Variants in TRPM2 observed in about 807,000 individuals in gnomAD.
The protein encoded by TRPM2 is transient receptor potential cation channel subfamily M member 2.
In TRPM2, 161 loss-of-function variants were observed where a neutral mutation model predicts 174.0. The ratio of observed to expected loss-of-function variants is 0.93; its 90% CI spans 0.81 to 1.05. The LOEUF is 1.05. TRPM2 is among the 50% of genes least tolerant of loss of function. The pLI, the probability that TRPM2 is intolerant of heterozygous loss-of-function variation, is 0.00. For synonymous variants in TRPM2, 954 were observed against 861.3 expected, an observed-to-expected ratio of 1.11 and a Z score of -1.88; for missense variants, 2,057 against 2,038.0, an observed-to-expected ratio of 1.01 and a Z score of -0.18.
Position 44,432,728 on chromosome 21 carries a change from T to C in TRPM2, c.3975-2403T>C, listed in dbSNP as rs966136628. On this transcript the variant is annotated intron_variant, in intron 27 of 31. Transcript: ENST00000397928. The surrounding 1 kb of genome is among the most constrained non-coding windows in gnomAD (Gnocchi z 4.9). ...GCTTGCCCCCTCTTTCTGAGATGGATTGAGGTCAGGTCAGCAAAGATTCTG... is the reference window on the plus strand; with the variant it reads ...GCTTGCCCCCTCTTTCTGAGATGGACTGAGGTCAGGTCAGCAAAGATTCTG... Among the ~76,000 whole-genome samples the C allele has an allele frequency of 6.6e-6, 1 of 152,086 alleles. No individual in the cohort carries two copies. The highest frequency in any genetic ancestry group is 1.5e-5 in the Non-Finnish European group (1 of 68,010).
chr21:44,422,202 T>G, intron 22 of TRPM2: 1 of 1,499,530 alleles, frequency 6.7e-7, no homozygotes. Context: ...GGGAGGCGCA[T>G]GAGTGTGGGG....
chr21:44,372,126 A>AAACC (rs1416375560), intron 5 of TRPM2, among the ~76,000 whole-genome samples: 1 of 151,796 alleles, frequency 6.6e-6, no homozygotes, highest in Non-Finnish European at 1.5e-5. Context: ...TGTCTAAACT[A>AAACC]AACCAAACCA....
intron 2 of TRPM2, among the ~76,000 whole-genome samples, chr21:44,359,365 G>A (rs750290139): frequency 3.9e-5 from 6 of 152,096 alleles, no homozygotes; most frequent in Admixed American, 3.9e-4. Context: ...ATCCCTGCAA[G>A]TCTGAAGTGC....
In TRPM2 at chr21:44,439,511, C is replaced by A. The variant is rs778258011; in HGVS notation, c.4269+343C>A. Among the ~76,000 whole-genome samples, 1 of 152,140 alleles carries A rather than the reference C, an allele frequency of 6.6e-6. No individual in the cohort carries two copies. Among genetic ancestry groups the A allele is most frequent in the Non-Finnish European group, 1.5e-5 (1 of 68,024 alleles). ...CTCCTCCCCACATCCACCCTTGCCT[C>A]GAGCACAGCTGCGCCCAAGGGTGCT... On this transcript the variant is annotated intron_variant, in intron 30 of 31. Transcript: ENST00000397928. This position sits in a 1 kb window ranked among gnomAD's most constrained non-coding sequence, Gnocchi z 5.1.
chr21:44,436,224 G>A (rs891364754), intron 28 of TRPM2, among the ~76,000 whole-genome samples: 4 of 152,174 alleles, frequency 2.6e-5, no homozygotes, highest in Middle Eastern at 3.2e-3. Flanking sequence ...GGAAGCTGCC[G>A]GGGGCTCTTG....
Position 44,422,443 on chromosome 21 carries a change from G to T in TRPM2, c.3462-1202G>T, listed in dbSNP as rs771963648. 9.8e-6 allele frequency: 15 copies of T among 1,534,374 alleles called. No homozygotes were observed. The South Asian group carries it at 1.5e-4, about 16-fold the overall frequency. Reference sequence around the variant, plus strand: ...AGGTGCGGTTAAGCGGCTTTTGTGGGATTAAGCAAAATGAAATGTGGGTGA... The same window carrying T: ...AGGTGCGGTTAAGCGGCTTTTGTGGTATTAAGCAAAATGAAATGTGGGTGA... On this transcript the variant is annotated intron_variant, in intron 22 of 31. Coordinates refer to ENST00000397928, the MANE Select transcript of TRPM2 (RefSeq NM_003307.4).
At chr21:44,424,810 T>C (rs1265994003) in intron 23 of TRPM2, 42 bp from the exon 24 acceptor site, 3 of 1,426,872 alleles carry the variant, frequency 2.1e-6, no homozygotes, top group Non-Finnish European at 2.9e-6. Context: ...ACCATGCGTG[T>C]GGGTGGCAGG....
rs751986910 is a variant in TRPM2, at chr21:44,375,928, C to T, written c.867C>T (p.Asp289=). The change falls in exon 6 of 32, where the codon GAC becomes GAT. Residue 289 remains aspartate (D), a synonymous_variant. Transcript: ENST00000397928. ...SNHSHFILVD[D]GTHGQYGVEI... is the part of the protein sequence containing the mutation. ...ACTCTCACTTCATCCTCGTGGACGA[C>T]GGGACCCACGGCCAGTACGGGGTGG... 42 of 1,613,990 alleles carry T rather than the reference C, an allele frequency of 2.6e-5. No individual in the cohort carries two copies. Among genetic ancestry groups the T allele is most frequent in the South Asian group, 1.5e-4 (14 of 91,090 alleles).
intron 9 of TRPM2, among the ~76,000 whole-genome samples, chr21:44,383,488 C>A (rs995795622): frequency 2.6e-5 from 4 of 152,218 alleles, no homozygotes; most frequent in African/African-American, 7.2e-5. Context: ...CAGCAGGGAA[C>A]TTTTGTGATA....
intron 23 of TRPM2, among the ~76,000 whole-genome samples, chr21:44,424,132 C>T (rs576154215): frequency 1.3e-5 from 2 of 152,210 alleles, no homozygotes; most frequent in South Asian, 2.1e-4. Flanking sequence ...CATCAACGTC[C>T]ACCAGCTGGG....
chr21:44,391,696 G>C lies in TRPM2; in HGVS notation c.1794+71G>C. 1 of 1,343,880 alleles carries C rather than the reference G, an allele frequency of 7.4e-7. No individual in the cohort carries two copies. The highest frequency in any genetic ancestry group is 2.4e-5 in the East Asian group (1 of 40,832). 83.2% of individuals were successfully genotyped at this position (1,343,880 alleles called of 1,614,324 possible). ...TACTGCTATGTTCTTAGAGCTCTCT[G>C]TTTTTAAAATTAGCTTTTATTTTTA... On this transcript the variant is annotated intron_variant, in intron 11 of 31. Transcript: ENST00000397928. The surrounding 1 kb of genome is among the most constrained non-coding windows in gnomAD (Gnocchi z 5.0).
At chr21:44,350,321 G>A (rs2122995406), upstream of TRPM2, 7 of 150,940 alleles carry the variant, frequency 4.6e-5, no homozygotes, top group African/African-American at 1.5e-4. Context: ...CCCGGGTGCG[G>A]GGACTGAGGC....
chr21:44,385,623 C>T (rs972796602), intron 9 of TRPM2, among the ~76,000 whole-genome samples: 5 of 152,154 alleles, frequency 3.3e-5, no homozygotes, highest in Admixed American at 6.5e-5. Context: ...ATATGATTTT[C>T]GTATTTGTCC....
intron 9 of TRPM2, among the ~76,000 whole-genome samples, chr21:44,388,889 C>A (rs76447813): frequency 1.3e-5 from 2 of 152,034 alleles, no homozygotes; most frequent in African/African-American, 4.8e-5. Context: ...TTATGCTACA[C>A]GTATTTTACC....
At chr21:44,363,948 G>A (rs899223472) in intron 2 of TRPM2, among the ~76,000 whole-genome samples, 166 bp from the exon 3 acceptor site, 1 of 152,186 alleles carries the variant, frequency 6.6e-6, no homozygotes, top group Non-Finnish European at 1.5e-5. Flanking sequence ...AAGAGCTCCA[G>A]CCCACCATTA....
At chr21:44,404,095 A>G (rs920748653) in intron 16 of TRPM2, among the ~76,000 whole-genome samples, 2 of 152,130 alleles carry the variant, frequency 1.3e-5, no homozygotes, top group Non-Finnish European at 2.9e-5. Flanking sequence ...ACACATACAC[A>G]CACATATATA....
chr21:44,435,089 C>T, intron 27 of TRPM2, 42 bp from the exon 28 acceptor site: 2 of 1,589,376 alleles, frequency 1.3e-6, no homozygotes, highest in African/African-American at 2.7e-5. Flanking sequence ...CCTGCTCCCC[C>T]ATTGGTGGAC....
intron 9 of TRPM2, among the ~76,000 whole-genome samples, chr21:44,385,064 G>C (rs1266454104): frequency 1.3e-5 from 2 of 152,158 alleles, no homozygotes; most frequent in East Asian, 1.9e-4. Flanking sequence ...AAATTCAGTA[G>C]CATTAACAGG....
chr21:44,424,048 G>C (rs2050653385), intron 23 of TRPM2, among the ~76,000 whole-genome samples: 1 of 152,166 alleles, frequency 6.6e-6, no homozygotes, highest in South Asian at 2.1e-4. Context: ...CTCTGTGCCT[G>C]AGCCCTGGAG....
Sources: allele counts gnomAD v4.1 joint callset (sites outside exome capture counted in the v4.1 genomes callset), GRCh38; gene constraint gnomAD v4.1.1; non-coding constraint Gnocchi (gnomAD v3.1); transcripts MANE v1.5; gene names NCBI Gene and HGNC (gene_info 2026-07-23, HGNC 2026-07-21).